The following NTM variants were observed in gnomAD, a reference collection of about 807,000 sequenced individuals.
NTM encodes the protein neurotrimin.
NTM carries 13 observed loss-of-function variants against 42.1 expected under a neutral mutation model. The observed-to-expected ratio is 0.31, with a 90% CI of 0.20 to 0.49. The LOEUF (loss-of-function observed/expected upper bound fraction) is 0.49, where lower values mean the gene tolerates loss of function less well. Ranked by LOEUF, NTM falls within the 20% of genes least tolerant of loss-of-function variation. NTM has a pLI of 0.99. For missense variants in NTM, 373 were observed against 452.8 expected (o/e 0.82, Z 1.60); for synonymous variants, 187 against 179.2 (o/e 1.04, Z -0.35).
intron 1 of NTM, among the ~76,000 whole-genome samples, chr11:131,639,275 C>T (rs1038721518): frequency 3.4e-5 from 5 of 146,544 alleles, no homozygotes; most frequent in Admixed American, 2.7e-4. Flanking sequence ...TACTTTGGAT[C>T]TGTTTTTTGT....
intron 1 of NTM, chr11:131,911,112 C>T: frequency 8.3e-7 from 1 of 1,206,742 alleles, no homozygotes; most frequent in Non-Finnish European, 1.0e-6. Flanking sequence ...GTGCTTACTC[C>T]TCTCCAAAGT....
chr11:132,231,045 G>C (rs754945258), intron 4 of NTM, among the ~76,000 whole-genome samples: 1 of 152,192 alleles, frequency 6.6e-6, no homozygotes, highest in East Asian at 1.9e-4. Flanking sequence ...CTCAATAAGT[G>C]TCAGAGTGGT....
chr11:131,791,652 T>C (rs1181002432), intron 1 of NTM, among the ~76,000 whole-genome samples: 1 of 152,228 alleles, frequency 6.6e-6, no homozygotes, highest in Non-Finnish European at 1.5e-5. Flanking sequence ...ACAGTCTTAC[T>C]TGCCATTCTA....
At chr11:131,619,910 T>G (rs1362555396) in intron 1 of NTM, among the ~76,000 whole-genome samples, 1 of 152,040 alleles carries the variant, frequency 6.6e-6, no homozygotes, top group Non-Finnish European at 1.5e-5. Context: ...GTTCAAGTGA[T>G]TCTCCTGCCT....
chr11:131,615,630 G>A (rs190546840), intron 1 of NTM, among the ~76,000 whole-genome samples: 3 of 152,070 alleles, frequency 2.0e-5, no homozygotes, highest in East Asian at 1.9e-4. Flanking sequence ...TCAGCCTCCC[G>A]AAGTGCTGGG....
intron 1 of NTM, among the ~76,000 whole-genome samples, chr11:131,855,791 A>G (rs571297470): frequency 6.6e-6 from 1 of 152,182 alleles, no homozygotes; most frequent in East Asian, 1.9e-4. Context: ...GAGGTCTTTA[A>G]GCTCCCTACA....
chr11:132,189,770 T>C (rs554906744), intron 3 of NTM, among the ~76,000 whole-genome samples: 1 of 152,302 alleles, frequency 6.6e-6, no homozygotes, highest in African/African-American at 2.4e-5. Flanking sequence ...GCCAGAAATA[T>C]GTCTTTTAGT....
At chr11:131,601,544 G>A (rs1477194976) in intron 1 of NTM, among the ~76,000 whole-genome samples, 2 of 151,608 alleles carry the variant, frequency 1.3e-5, no homozygotes. Context: ...GTTGAAGAGG[G>A]ATTAGGGACT....
At chr11:132,054,289 G>A (rs2079281806) in intron 2 of NTM, among the ~76,000 whole-genome samples, 1 of 151,318 alleles carries the variant, frequency 6.6e-6, no homozygotes, top group Admixed American at 6.7e-5. Context: ...AAGGGCCTGA[G>A]ATTTGCTATA....
chr11:131,492,867 C>A (rs1432517040), intron 1 of NTM, among the ~76,000 whole-genome samples: 1 of 152,098 alleles, frequency 6.6e-6, no homozygotes, highest in Non-Finnish European at 1.5e-5. Context: ...TCTTAAGCTG[C>A]AAACTGTTTG....
At chr11:132,243,853 C>T (rs2090615187) in intron 4 of NTM, among the ~76,000 whole-genome samples, 1 of 152,194 alleles carries the variant, frequency 6.6e-6, no homozygotes, top group Non-Finnish European at 1.5e-5. Context: ...CCACAGAACC[C>T]CCAGCCCTGC....
intron 1 of NTM, among the ~76,000 whole-genome samples, chr11:131,810,050 A>G (rs60797578): frequency 0.012 from 1,888 of 152,070 alleles, 36 homozygotes; most frequent in African/African-American, 0.044. Context: ...CTGCAATAAA[A>G]CCTCACTCAT....
intron 4 of NTM, among the ~76,000 whole-genome samples, chr11:132,280,992 A>T (rs747815459): frequency 6.6e-5 from 10 of 152,234 alleles, no homozygotes; most frequent in Non-Finnish European, 1.5e-4. Flanking sequence ...AGCAGCTTTG[A>T]TCTTTTTTAA....
At chr11:131,712,367 A>G (rs1029645069) in intron 1 of NTM, among the ~76,000 whole-genome samples, 4 of 152,024 alleles carry the variant, frequency 2.6e-5, no homozygotes, top group Non-Finnish European at 5.9e-5. Context: ...TAGCTGTAAG[A>G]ACTACCTTCT....
intron 4 of NTM, among the ~76,000 whole-genome samples, chr11:132,265,725 G>A (rs779722014): frequency 6.6e-5 from 10 of 152,194 alleles, no homozygotes; most frequent in Non-Finnish European, 1.3e-4. Context: ...GCATGCAGTC[G>A]TTGTGCATCA....
intron 1 of NTM, among the ~76,000 whole-genome samples, chr11:131,704,932 A>G (rs1286046291): frequency 1.3e-5 from 2 of 152,138 alleles, no homozygotes; most frequent in Non-Finnish European, 2.9e-5. Context: ...AGAAGAATAA[A>G]GAGAAAAAAA....
rs146855848 is a variant in NTM, at chr11:131,862,445, T to C, written c.83-49119T>C. The stretch of plus-strand genomic sequence containing the variant: ...TTCAGGTGGAAGTCTCCTTAATTCA[T>C]TCACTCATTTCTTCATTCTGCATAT... On this transcript the variant is annotated intron_variant, in intron 1 of 8. Coordinates refer to ENST00000683400, the MANE Select transcript of NTM (RefSeq NM_001352005.2). Among the ~76,000 whole-genome samples the C allele has an allele frequency of 4.0e-3, 613 of 152,320 alleles. 4 individuals carry two copies. Among genetic ancestry groups the C allele is most frequent in the African/African-American group, 0.014 (575 of 41,568 alleles).
intron 1 of NTM, among the ~76,000 whole-genome samples, chr11:131,776,527 C>G (rs1451219495): frequency 6.6e-6 from 1 of 152,104 alleles, no homozygotes; most frequent in Non-Finnish European, 1.5e-5. Flanking sequence ...CTTGCTAGGC[C>G]TGTTTCCTCA....
chr11:131,661,401 A>G (rs1204944720), intron 1 of NTM, among the ~76,000 whole-genome samples: 1 of 152,240 alleles, frequency 6.6e-6, no homozygotes, highest in East Asian at 1.9e-4. Flanking sequence ...ACAAGGAAGA[A>G]CGTCATTCCT....
Sources: allele counts gnomAD v4.1 joint callset (sites outside exome capture counted in the v4.1 genomes callset), GRCh38; gene constraint gnomAD v4.1.1; transcripts MANE v1.5; gene names NCBI Gene and HGNC (gene_info 2026-07-23, HGNC 2026-07-21).